Variants in MYO9B observed in about 807,000 individuals in gnomAD.
The protein encoded by MYO9B is myosin IXB, also known as unconventional myosin-IXb.
MYO9B carries 71 observed loss-of-function variants against 229.5 expected under a neutral mutation model. That is an observed-to-expected ratio of 0.31 (90% CI 0.26 to 0.38). The LOEUF is 0.38. Ranked by LOEUF, MYO9B falls within the 10% of genes least tolerant of loss-of-function variation. The pLI is 1.00. For missense variants in MYO9B, 2,255 were observed against 2,920.5 expected, an observed-to-expected ratio of 0.77 and a Z score of 5.25; for synonymous variants, 1,185 against 1,235.8, an observed-to-expected ratio of 0.96 and a Z score of 0.86.
At chr19:17,128,254 A>AGTG (rs1261502116) in intron 2 of MYO9B, among the ~76,000 whole-genome samples, 1 of 151,886 alleles carries the variant, frequency 6.6e-6, no homozygotes, top group African/African-American at 2.4e-5. Flanking sequence ...AGCAAGGCAC[A>AGTG]GTGGTATGCG....
chr19:17,164,582 A>G (rs990194308), intron 10 of MYO9B, among the ~76,000 whole-genome samples: 2 of 152,116 alleles, frequency 1.3e-5, no homozygotes, highest in African/African-American at 4.8e-5. Context: ...GGGTTTCACC[A>G]TGCTGGCCAG....
chr19:17,202,180 C>T lies in MYO9B; in HGVS notation c.4713C>T (p.Ile1571=), dbSNP rs367913543. 85 of 1,613,670 alleles carry T rather than the reference C, an allele frequency of 5.3e-5. No individual in the cohort carries two copies. In the African/African-American group the frequency reaches 9.3e-4, roughly 18 times the overall value. ...AGGATCTGATGGAGAACTACCAGATCGTCGTCAGCAACCTGGCCACTGAGC... is the reference window on the plus strand; with the variant it reads ...AGGATCTGATGGAGAACTACCAGATTGTCGTCAGCAACCTGGCCACTGAGC... The part of the protein sequence containing the change: ...GYKDLMENYQ[I]VVSNLATERG... Residue 1571 remains isoleucine, a synonymous_variant, in exon 28 of 40, where the codon ATC becomes ATT. Transcript: ENST00000682292.
At chr19:17,117,434 A>C (rs1017011039) in intron 2 of MYO9B, among the ~76,000 whole-genome samples, 4 of 152,192 alleles carry the variant, frequency 2.6e-5, no homozygotes, top group Non-Finnish European at 5.9e-5. Flanking sequence ...GCCCAGAGGC[A>C]GCTTGGCATC....
intron 2 of MYO9B, 93 bp downstream of exon 2, chr19:17,102,650 C>T (rs1448403939): frequency 2.8e-6 from 4 of 1,439,800 alleles, no homozygotes; most frequent in Non-Finnish European, 3.7e-6. Flanking sequence ...TCTATAATCC[C>T]AATGCTTTGG....
intron 2 of MYO9B, among the ~76,000 whole-genome samples, chr19:17,121,463 A>ATATATATATC (rs1030275525): frequency 6.7e-6 from 1 of 150,002 alleles, no homozygotes; most frequent in African/African-American, 2.5e-5. Context: ...ATATATATAT[A>ATATATATATC]TCCAAGAGCT....
At chr19:17,160,880 G>T (rs1384288369) in intron 8 of MYO9B, among the ~76,000 whole-genome samples, 5 of 151,922 alleles carry the variant, frequency 3.3e-5, no homozygotes, top group Non-Finnish European at 7.4e-5. Context: ...TGTATTTTTA[G>T]TAGAGACAGG....
chr19:17,130,495 CT>C, intron 2 of MYO9B, among the ~76,000 whole-genome samples: 1 of 152,272 alleles, frequency 6.6e-6, no homozygotes, highest in Non-Finnish European at 1.5e-5. Context: ...TGGTGGGCGC[CT>C]GTAGTCCCAG....
intron 1 of MYO9B, among the ~76,000 whole-genome samples, chr19:17,085,718 G>C (rs2057576171): frequency 6.6e-6 from 1 of 151,804 alleles, no homozygotes; most frequent in Non-Finnish European, 1.5e-5. Flanking sequence ...TGTAGTCCCA[G>C]CTACTCCAGA....
intron 2 of MYO9B, among the ~76,000 whole-genome samples, chr19:17,132,978 G>A (rs191668667): frequency 3.6e-4 from 54 of 151,978 alleles, no homozygotes; most frequent in African/African-American, 1.3e-3. Flanking sequence ...CTCCCGAGTA[G>A]CTGGAACTAC....
chr19:17,210,306 G>A, intron 36 of MYO9B, 27 bp from the exon 37 acceptor site: 1 of 1,576,710 alleles, frequency 6.3e-7, no homozygotes, highest in South Asian at 1.2e-5. Context: ...GGCCCGTGTG[G>A]TCACCCTGTG....
At chr19:17,178,809 A>G (rs985224218) in intron 14 of MYO9B, among the ~76,000 whole-genome samples, 1 of 152,004 alleles carries the variant, frequency 6.6e-6, no homozygotes, top group Admixed American at 6.6e-5. Flanking sequence ...ATACGTGGGC[A>G]GGTCACTTGA....
intron 1 of MYO9B, among the ~76,000 whole-genome samples, chr19:17,098,061 T>G (rs1318308081): frequency 7.0e-6 from 1 of 143,062 alleles, no homozygotes; most frequent in Non-Finnish European, 1.5e-5. Flanking sequence ...CCCCCCCACC[T>G]TTTTTTTCTT....
At chr19:17,176,058 C>G (rs535020623) in intron 14 of MYO9B, among the ~76,000 whole-genome samples, 53 of 149,902 alleles carry the variant, frequency 3.5e-4, no homozygotes, top group African/African-American at 1.3e-3. Flanking sequence ...TAGACAGAGT[C>G]TTGCTCTGTT....
intron 11 of MYO9B, among the ~76,000 whole-genome samples, chr19:17,169,319 C>T (rs1161733802): frequency 1.5e-5 from 2 of 134,076 alleles, no homozygotes; most frequent in East Asian, 2.3e-4. Context: ...TTGCAGTGAG[C>T]GGAGATCACT....
At chr19:17,120,699 A>G (rs1011512144) in intron 2 of MYO9B, among the ~76,000 whole-genome samples, 2 of 150,552 alleles carry the variant, frequency 1.3e-5, no homozygotes, top group African/African-American at 4.9e-5. Context: ...TATCTCCTTT[A>G]TGCTAATTGG....
Position 17,162,326 on chromosome 19 carries a change from G to A in MYO9B, c.1420-24G>A, listed in dbSNP as rs1199539710. The A allele has an allele frequency of 3.2e-6, 5 of 1,545,582 alleles. No homozygotes were observed. The African/African-American group carries it at 5.5e-5, about 17-fold the overall frequency. On this transcript the variant is annotated intron_variant, in intron 8 of 39. Coordinates refer to ENST00000682292, the MANE Select transcript of MYO9B (RefSeq NM_004145.4). ...GCGCAGGGCCTGCCGTGCCGGAGGT[G>A]AGTCACCCCCTCTGTGTCCACAGGC...
chr19:17,094,019 T>TTG (rs1258733134), intron 1 of MYO9B, among the ~76,000 whole-genome samples: 1 of 29,816 alleles, frequency 3.4e-5, no homozygotes, highest in Non-Finnish European at 6.1e-5. Context: ...GCTGGCTTTG[T>TTG]TGTTGTTGTT....
At chr19:17,152,481 T>G (rs979881377) in intron 3 of MYO9B, 163 bp from the exon 4 acceptor site, 1 of 550,624 alleles carries the variant, frequency 1.8e-6, no homozygotes, top group Non-Finnish European at 3.2e-6. Context: ...GAGAATCGCT[T>G]GAACCCAGGA....
At chr19:17,083,602 G>A (rs1042099758) in intron 1 of MYO9B, among the ~76,000 whole-genome samples, 7 of 151,608 alleles carry the variant, frequency 4.6e-5, no homozygotes, top group South Asian at 2.1e-4. Context: ...GTGACTTTGC[G>A]TCTGTCATCA....
Sources: gnomAD v4.1 joint callset for allele counts (sites outside exome capture counted in the v4.1 genomes callset) on GRCh38, gnomAD v4.1.1 for gene constraint, MANE v1.5 for transcripts, NCBI Gene and HGNC (gene_info 2026-07-23, HGNC 2026-07-21) for gene names.